The following ULK4 variants were observed in gnomAD, a reference collection of about 807,000 sequenced individuals.
ULK4 encodes the protein inactive serine/threonine-protein kinase ULK4.
ULK4 carries 133 observed loss-of-function variants against 160.6 expected under a neutral mutation model. The ratio of observed to expected loss-of-function variants is 0.83; its 90% CI spans 0.72 to 0.96. The LOEUF (loss-of-function observed/expected upper bound fraction) is 0.96. Among genes scored for constraint, ULK4 ranks in the 40% least tolerant of loss-of-function variants. The pLI is 0.00. For missense variants in ULK4, 1,580 were observed against 1,499.5 expected (o/e 1.05, Z -0.89); for synonymous variants, 534 against 539.8 (o/e 0.99, Z 0.15).
intron 30 of ULK4, among the ~76,000 whole-genome samples, chr3:41,626,667 G>A (rs1673826423): frequency 6.6e-6 from 1 of 151,996 alleles, no homozygotes; most frequent in Admixed American, 6.6e-5. Context: ...TAGGACTACA[G>A]GCGCCCGCCA....
rs537385238 is a variant in ULK4 at position 41,652,574 on chromosome 3, G to T, written c.3071+11033C>A. 3.3e-5 allele frequency among the ~76,000 whole-genome samples: 5 copies of T among 152,268 alleles called. 1 individual carries two copies. The East Asian group carries it at 7.7e-4, about 24-fold the overall frequency. On this transcript the variant is annotated intron_variant, in intron 30 of 36. Coordinates refer to ENST00000301831, the MANE Select transcript of ULK4 (RefSeq NM_017886.4). ...TCTATGACAGTGGGAGAAAGAAGAG[G>T]CTGAACTGAACAAGGATATAGACTC...
At chr3:41,801,266 A>G (rs2040452208) in intron 19 of ULK4, among the ~76,000 whole-genome samples, 2 of 152,214 alleles carry the variant, frequency 1.3e-5, no homozygotes, top group African/African-American at 4.8e-5. Context: ...GAACATGAAG[A>G]CATAGCTACT....
chr3:41,676,309 TA>T (rs1414301945), intron 29 of ULK4, among the ~76,000 whole-genome samples: 1 of 152,204 alleles, frequency 6.6e-6, no homozygotes, highest in African/African-American at 2.4e-5. Context: ...TGTCCTTAAT[TA>T]AACAGTATTT....
chr3:41,676,155 C>G (rs1034047430), intron 29 of ULK4, among the ~76,000 whole-genome samples: 2 of 152,110 alleles, frequency 1.3e-5, no homozygotes, highest in Non-Finnish European at 2.9e-5. Context: ...TATAAGCCAC[C>G]AAGTTCATGG....
chr3:41,764,994 T>C (rs1344613536), intron 21 of ULK4, among the ~76,000 whole-genome samples: 1 of 152,202 alleles, frequency 6.6e-6, no homozygotes, highest in Admixed American at 6.5e-5. Flanking sequence ...TGGAAGCCAG[T>C]GTGGCGATTC....
intron 13 of ULK4, among the ~76,000 whole-genome samples, chr3:41,898,911 A>G (rs1173018934): frequency 2.6e-5 from 4 of 152,258 alleles, no homozygotes; most frequent in African/African-American, 9.6e-5. Flanking sequence ...GGAAGATGAG[A>G]CAAACATTCG....
chr3:41,787,433 G>A (rs1301624016), intron 21 of ULK4, among the ~76,000 whole-genome samples: 1 of 152,138 alleles, frequency 6.6e-6, no homozygotes, highest in Non-Finnish European at 1.5e-5. Context: ...GTAATGAGGA[G>A]CTCTTCTACC....
At chr3:41,817,962 G>T (rs115855518) in intron 19 of ULK4, among the ~76,000 whole-genome samples, 2 of 151,650 alleles carry the variant, frequency 1.3e-5, no homozygotes, top group East Asian at 3.9e-4. Context: ...AATCAAAACC[G>T]CAATAAGATA....
chr3:41,414,685 C>T (rs1055801797), intron 34 of ULK4, among the ~76,000 whole-genome samples: 2 of 152,112 alleles, frequency 1.3e-5, no homozygotes, highest in African/African-American at 4.8e-5. Flanking sequence ...CCCATTAGGC[C>T]ACCAATACTG....
intron 32 of ULK4, among the ~76,000 whole-genome samples, chr3:41,480,986 C>T (rs540155771): frequency 6.6e-6 from 1 of 152,262 alleles, no homozygotes; most frequent in East Asian, 1.9e-4. Flanking sequence ...ATTATGGGAG[C>T]TACAGTTCAA....
intron 2 of ULK4, among the ~76,000 whole-genome samples, chr3:41,954,265 T>C (rs192582800): frequency 4.1e-4 from 61 of 147,322 alleles, no homozygotes; most frequent in African/African-American, 1.5e-3. Context: ...GAGACTGAGG[T>C]GGGAGGATCA....
intron 22 of ULK4, among the ~76,000 whole-genome samples, chr3:41,740,564 C>T (rs979139921): frequency 5.3e-5 from 8 of 151,924 alleles, no homozygotes; most frequent in Non-Finnish European, 8.8e-5. Flanking sequence ...AGCTCAATTT[C>T]ACCACCTGTC....
At chr3:41,936,086 T>A in intron 3 of ULK4, 146 bp from the exon 4 acceptor site, 1 of 1,035,258 alleles carries the variant, frequency 9.7e-7, no homozygotes, top group Non-Finnish European at 1.4e-6. Context: ...CACATGTGAG[T>A]AAATACAGTG....
intron 21 of ULK4, among the ~76,000 whole-genome samples, chr3:41,772,856 A>C (rs190422198): frequency 1.7e-4 from 25 of 151,356 alleles, no homozygotes; most frequent in South Asian, 1.3e-3. Context: ...GCAGCACATC[A>C]AAAAGCTTAT....
intron 31 of ULK4, among the ~76,000 whole-genome samples, chr3:41,612,974 G>A (rs570298270): frequency 1.3e-5 from 2 of 152,318 alleles, no homozygotes; most frequent in African/African-American, 4.8e-5. Context: ...AAAGTCATCA[G>A]GAGGTCACAG....
chr3:41,912,529 T>C (rs1698826386), intron 9 of ULK4, among the ~76,000 whole-genome samples: 1 of 152,154 alleles, frequency 6.6e-6, no homozygotes, highest in African/African-American at 2.4e-5. Context: ...GATCCTACCA[T>C]TTACTTGGGA....
intron 33 of ULK4, among the ~76,000 whole-genome samples, chr3:41,461,693 T>A (rs904828525): frequency 1.3e-5 from 2 of 152,224 alleles, no homozygotes; most frequent in African/African-American, 4.8e-5. Context: ...CATCCCTGAA[T>A]ATCTACCTAA....
chr3:41,425,569 G>A (rs909804142), intron 34 of ULK4, among the ~76,000 whole-genome samples: 4 of 152,134 alleles, frequency 2.6e-5, no homozygotes, highest in Non-Finnish European at 5.9e-5. Context: ...ACAAAGGGAA[G>A]CCCATCAGAC....
At chr3:41,644,597 G>T (rs1431826459) in intron 30 of ULK4, among the ~76,000 whole-genome samples, 2 of 152,172 alleles carry the variant, frequency 1.3e-5, no homozygotes. Context: ...CGGTTTGCCA[G>T]TATTTTATTG....
Sources: gnomAD v4.1 joint callset for allele counts (sites outside exome capture counted in the v4.1 genomes callset) on GRCh38, gnomAD v4.1.1 for gene constraint, MANE v1.5 for transcripts, NCBI Gene and HGNC (gene_info 2026-07-23, HGNC 2026-07-21) for gene names.